TRPC7: variants seen among roughly 807,000 people sequenced by gnomAD.
The protein encoded by TRPC7 is transient receptor potential cation channel subfamily C member 7, also known as short transient receptor potential channel 7.
A neutral mutation model predicts 90.1 loss-of-function variants in TRPC7; 42 were observed. The ratio of observed to expected loss-of-function variants is 0.47; its 90% CI spans 0.36 to 0.60. The LOEUF is 0.60. TRPC7 is among the 20% of genes least tolerant of loss of function. TRPC7 has a pLI of 0.00. For missense variants in TRPC7, 955 were observed against 1,112.3 expected (o/e 0.86, Z 2.01); for synonymous variants, 451 against 436.3 (o/e 1.03, Z -0.42).
At chr5:136,216,121 A>C in intron 11 of TRPC7, 79 bp downstream of exon 11, 1 of 1,196,454 alleles carries the variant, frequency 8.4e-7, no homozygotes, top group Non-Finnish European at 1.2e-6. Flanking sequence ...CCCTGACAAC[A>C]CTGTGGCCGT....
Position 136,225,319 on chromosome 5 carries a change from T to C in TRPC7, c.2298A>G (p.Glu766=). The stretch of plus-strand genomic sequence containing the variant: ...TCAAAGTGTTATTTGCTGTCAGATT[T>C]TCAGAATTCCTCATGCCAGCCTGGT... ...TRYQAGMRNS[E]NLTANNTLSK... is the part of the protein sequence containing the mutation. The change falls in exon 10 of 12, where the codon GAA becomes GAG. Residue 766 remains glutamate (E), a synonymous_variant. Transcript: ENST00000513104. The C allele has an allele frequency of 6.2e-7, 1 of 1,613,210 alleles. No individual in the cohort carries two copies. The highest frequency in any genetic ancestry group is 1.1e-5 in the South Asian group (1 of 90,788).
intron 3 of TRPC7, among the ~76,000 whole-genome samples, chr5:136,277,896 C>T (rs1480383991): frequency 6.6e-6 from 1 of 152,200 alleles, no homozygotes. Flanking sequence ...ATGTGACTGC[C>T]TAGATTTTCC....
chr5:136,255,798 A>G (rs1396597241), intron 5 of TRPC7, among the ~76,000 whole-genome samples: 2 of 152,226 alleles, frequency 1.3e-5, no homozygotes, highest in East Asian at 3.9e-4. Context: ...TTTACAGCTA[A>G]TGAGACAGTG....
At chr5:136,303,457 G>C (rs1694654030) in intron 3 of TRPC7, among the ~76,000 whole-genome samples, 1 of 151,972 alleles carries the variant, frequency 6.6e-6, no homozygotes, top group South Asian at 2.1e-4. Flanking sequence ...ATGTATTTCT[G>C]AGTTGCAATT....
intron 2 of TRPC7, among the ~76,000 whole-genome samples, chr5:136,332,354 C>T (rs747420219): frequency 3.3e-5 from 5 of 152,050 alleles, no homozygotes; most frequent in East Asian, 1.9e-4. Context: ...GGCACCTGCA[C>T]GGACTGTGAC....
chr5:136,260,515 T>C (rs1756822516), intron 5 of TRPC7, among the ~76,000 whole-genome samples: 1 of 152,124 alleles, frequency 6.6e-6, no homozygotes. Flanking sequence ...GCAAGTGTTC[T>C]TAGGCAGAAG....
chr5:136,316,953 C>T (rs547226208), intron 2 of TRPC7, among the ~76,000 whole-genome samples: 1 of 152,336 alleles, frequency 6.6e-6, no homozygotes, highest in East Asian at 1.9e-4. Context: ...GCCTGGCAAA[C>T]TGCAGAAGCT....
At chr5:136,290,366 C>T (rs980927359) in intron 3 of TRPC7, among the ~76,000 whole-genome samples, 1 of 152,026 alleles carries the variant, frequency 6.6e-6, no homozygotes, top group Admixed American at 6.6e-5. Context: ...GAAGTTCGAA[C>T]CAATGGCAAA....
chr5:136,346,403 G>T (rs1295342403), intron 2 of TRPC7, among the ~76,000 whole-genome samples: 2 of 152,020 alleles, frequency 1.3e-5, no homozygotes, highest in African/African-American at 4.8e-5. Flanking sequence ...TCATACTTGA[G>T]AGGGCACTGT....
chr5:136,236,986 T>C (rs1224071766), intron 7 of TRPC7, among the ~76,000 whole-genome samples: 1 of 152,232 alleles, frequency 6.6e-6, no homozygotes, highest in East Asian at 1.9e-4. Context: ...GCTAGAGTTC[T>C]GCTGAAGGAG....
intron 3 of TRPC7, among the ~76,000 whole-genome samples, chr5:136,286,121 G>A (rs746925588): frequency 6.6e-5 from 10 of 152,152 alleles, no homozygotes; most frequent in South Asian, 2.1e-4. Flanking sequence ...TATCGAATGC[G>A]CGAATTTATA....
chr5:136,213,710 G>A, intron 11 of TRPC7, 106 bp from the exon 12 acceptor site: 1 of 1,297,748 alleles, frequency 7.7e-7, no homozygotes, highest in Non-Finnish European at 1.1e-6. Flanking sequence ...GTCGGGTCCT[G>A]GGCCAGCCCA....
rs949018879 is a variant in TRPC7, at chr5:136,353,183, C to T, written c.780+3425G>A. Among the ~76,000 whole-genome samples the T allele has an allele frequency of 1.4e-4, 22 of 152,248 alleles. 1 individual carries two copies. The highest frequency in any genetic ancestry group is 6.2e-4 in the South Asian group (3 of 4,818). The stretch of plus-strand genomic sequence containing the variant: ...CACACCAAAAATAATGGCTTGCTAG[C>T]GGGCATCTAACTCCAGCCACAATTT... On this transcript the variant is annotated intron_variant, in intron 2 of 11. Transcript: ENST00000513104.
intron 3 of TRPC7, among the ~76,000 whole-genome samples, chr5:136,309,834 G>T (rs1758770578): frequency 6.6e-6 from 1 of 152,118 alleles, no homozygotes; most frequent in African/African-American, 2.4e-5. Context: ...CAATGTAACA[G>T]CCTATCTTGG....
intron 3 of TRPC7, among the ~76,000 whole-genome samples, chr5:136,292,833 C>T (rs941585596): frequency 1.6e-4 from 24 of 149,834 alleles, no homozygotes; most frequent in African/African-American, 5.9e-4. Flanking sequence ...ATGGCAGAGA[C>T]ACAACCAAAA....
At chr5:136,279,545 G>T (rs1021353591) in intron 3 of TRPC7, among the ~76,000 whole-genome samples, 1 of 152,106 alleles carries the variant, frequency 6.6e-6, no homozygotes, top group African/African-American at 2.4e-5. Context: ...TTCCAGTCTG[G>T]TTATGTTGTC....
rs535904196 is a variant in TRPC7, at chr5:136,306,892, G to A, written c.963+8705C>T. On this transcript the variant is annotated intron_variant, in intron 3 of 11. Coordinates refer to ENST00000513104, the MANE Select transcript of TRPC7 (RefSeq NM_020389.3). The stretch of plus-strand genomic sequence containing the variant: ...TCACCGCCTATCCCAAAACCTATAA[G>A]AACTAATGATAATCCACCACCCTTC... 3.5e-3 allele frequency among the ~76,000 whole-genome samples: 530 copies of A among 152,204 alleles called. 3 individuals are homozygous for A. The highest frequency in any genetic ancestry group is 0.012 in the African/African-American group (515 of 41,514).
intron 3 of TRPC7, among the ~76,000 whole-genome samples, chr5:136,279,263 C>T (rs1423393378): frequency 6.6e-6 from 1 of 152,202 alleles, no homozygotes; most frequent in African/African-American, 2.4e-5. Flanking sequence ...GCTCTGAGAA[C>T]TGTGCCTGTG....
chr5:136,220,223 C>T (rs1020569850), intron 10 of TRPC7, among the ~76,000 whole-genome samples: 2 of 152,128 alleles, frequency 1.3e-5, no homozygotes, highest in Non-Finnish European at 2.9e-5. Flanking sequence ...CAGCGATTTT[C>T]AGAGAACAAG....
Sources: allele counts gnomAD v4.1 joint callset (sites outside exome capture counted in the v4.1 genomes callset), GRCh38; gene constraint gnomAD v4.1.1; transcripts MANE v1.5; gene names NCBI Gene and HGNC (gene_info 2026-07-23, HGNC 2026-07-21).